PCDHGA10: variants seen among roughly 807,000 people sequenced by gnomAD.
PCDHGA10 encodes protocadherin gamma subfamily A, 10.
A neutral mutation model predicts 59.5 loss-of-function variants in PCDHGA10; 42 were observed. The ratio of observed to expected loss-of-function variants is 0.71; its 90% CI spans 0.55 to 0.91. PCDHGA10 has a LOEUF of 0.91. Among genes scored for constraint, PCDHGA10 ranks in the 40% least tolerant of loss-of-function variants. The pLI is 0.00. For synonymous variants in PCDHGA10, 511 were observed against 517.2 expected (o/e 0.99, Z 0.16); for missense variants, 1,111 against 1,198.2 (o/e 0.93, Z 1.07).
chr5:141,418,513 G>A (rs377653202), intron 1 of PCDHGA10: 1 of 1,613,960 alleles, frequency 6.2e-7, no homozygotes, highest in Non-Finnish European at 8.5e-7. Flanking sequence ...TAGATGGTGG[G>A]GACCCTCCCC....
chr5:141,437,165 T>A (rs62379162), intron 1 of PCDHGA10, among the ~76,000 whole-genome samples: 3,747 of 152,330 alleles, frequency 0.025, 69 homozygotes, highest in Middle Eastern at 0.085. Context: ...TGTTGATTGT[T>A]TTCTGAGACT....
intron 1 of PCDHGA10, among the ~76,000 whole-genome samples, chr5:141,472,711 C>T (rs1014451209): frequency 4.6e-5 from 7 of 151,904 alleles, no homozygotes; most frequent in Admixed American, 2.0e-4. Context: ...ACAGGCCAGG[C>T]GCTGTGGCTC....
intron 1 of PCDHGA10, chr5:141,442,020 A>G (rs1461958612): frequency 4.6e-6 from 1 of 219,170 alleles, no homozygotes; most frequent in South Asian, 5.2e-5. Context: ...GATGGGCCAC[A>G]GGAAAGCGAC....
At chr5:141,428,307 C>T (rs759382004) in intron 1 of PCDHGA10, 5 of 688,034 alleles carry the variant, frequency 7.3e-6, no homozygotes, top group Non-Finnish European at 5.1e-6. Flanking sequence ...TTTACCTGGT[C>T]GTGGCCTTGG....
chr5:141,496,077 C>G (rs1269618753), intron 2 of PCDHGA10, among the ~76,000 whole-genome samples: 1 of 152,042 alleles, frequency 6.6e-6, no homozygotes, highest in African/African-American at 2.4e-5. Flanking sequence ...CACACACAAC[C>G]CCCCACCCAC....
chr5:141,510,400 TA>T (rs780031896), intron 3 of PCDHGA10, among the ~76,000 whole-genome samples: 12 of 151,920 alleles, frequency 7.9e-5, no homozygotes, highest in Non-Finnish European at 1.3e-4. Flanking sequence ...TGGCAAAGGC[TA>T]GGGGCATGTA....
In PCDHGA10 at chr5:141,432,916, G is replaced by C; in HGVS notation, c.2436+17305G>C. ...TGCTGGCGCTCAGGCTGCGGCGCTG[G>C]CACAAGTCACGCCTGCTGCAGGCTT... On this transcript the variant is annotated intron_variant, in intron 1 of 3. Coordinates refer to ENST00000398610, the MANE Select transcript of PCDHGA10 (RefSeq NM_018913.3). The surrounding 1 kb of genome is among the most constrained non-coding windows in gnomAD (Gnocchi z 6.0). 1 of 1,614,196 alleles carries C rather than the reference G, an allele frequency of 6.2e-7. No homozygotes were observed. The highest frequency in any genetic ancestry group is 8.5e-7 in the Non-Finnish European group (1 of 1,180,040).
chr5:141,419,794 T>C (rs368369787), intron 1 of PCDHGA10: 54 of 1,613,930 alleles, frequency 3.3e-5, no homozygotes, highest in Non-Finnish European at 4.5e-5. Flanking sequence ...TGCTAGTCGC[T>C]GTAAGAGATG....
intron 1 of PCDHGA10, among the ~76,000 whole-genome samples, chr5:141,446,175 G>A (rs1288608276): frequency 1.3e-5 from 2 of 152,276 alleles, no homozygotes; most frequent in Non-Finnish European, 2.9e-5. Context: ...AGGGCAGGGG[G>A]TGTTTTGTTT....
chr5:141,470,538 A>G (rs2099232733), intron 1 of PCDHGA10, among the ~76,000 whole-genome samples: 1 of 152,140 alleles, frequency 6.6e-6, no homozygotes, highest in African/African-American at 2.4e-5. Context: ...GTATCAGGTA[A>G]TATTTATTGA....
At chr5:141,497,101 G>A (rs1465038195) in intron 2 of PCDHGA10, among the ~76,000 whole-genome samples, 1 of 152,042 alleles carries the variant, frequency 6.6e-6, no homozygotes, top group African/African-American at 2.4e-5. Flanking sequence ...AGGCAGAACT[G>A]CTTGAACCCG....
intron 2 of PCDHGA10, among the ~76,000 whole-genome samples, chr5:141,504,143 C>A (rs2099835975): frequency 6.6e-6 from 1 of 152,136 alleles, no homozygotes; most frequent in Non-Finnish European, 1.5e-5. Flanking sequence ...CACTCCCCTG[C>A]AAATTGAAAT....
At chr5:141,419,757 G>C in intron 1 of PCDHGA10, 1 of 1,613,994 alleles carries the variant, frequency 6.2e-7, no homozygotes, top group Non-Finnish European at 8.5e-7. Flanking sequence ...CGTGCTTTGG[G>C]TGACAAGGAC....
chr5:141,423,011 T>C, intron 1 of PCDHGA10: 4 of 1,614,186 alleles, frequency 2.5e-6, no homozygotes, highest in Non-Finnish European at 3.4e-6. Flanking sequence ...GTGGTTGCGG[T>C]GGACAAAGAT....
intron 1 of PCDHGA10, among the ~76,000 whole-genome samples, chr5:141,434,767 C>T (rs2097715264): frequency 6.6e-6 from 1 of 151,182 alleles, no homozygotes. Flanking sequence ...CCACTTCACA[C>T]TTCTAAAAAA....
chr5:141,454,860 T>G (rs62379170), intron 1 of PCDHGA10, among the ~76,000 whole-genome samples: 5,850 of 133,200 alleles, frequency 0.044, 153 homozygotes, highest in Middle Eastern at 0.11. Context: ...CAGGCTGGAG[T>G]GCAGTGGCAC....
chr5:141,430,365 G>GA lies in PCDHGA10; in HGVS notation c.2436+14762dup, dbSNP rs202146484. Among the ~76,000 whole-genome samples, 583 of 147,736 alleles carry GA rather than the reference G, an allele frequency of 3.9e-3. 6 individuals are homozygous for GA. The highest frequency in any genetic ancestry group is 0.011 in the Admixed American group (169 of 14,894). On this transcript the variant is annotated intron_variant, in intron 1 of 3. Coordinates refer to ENST00000398610, the MANE Select transcript of PCDHGA10 (RefSeq NM_018913.3). ...CCAATTCATTTAAAAGCTCATTGGG[G>GA]AAAAAAAAGCTCATTGGGAAAAAAA...
rs1591337394 is a variant in PCDHGA10, at chr5:141,434,573, C to A, written c.2436+18962C>A. 2.0e-5 allele frequency among the ~76,000 whole-genome samples: 3 copies of A among 152,336 alleles called. No individual in the cohort carries two copies. The South Asian group carries it at 6.2e-4, about 32-fold the overall frequency. On this transcript the variant is annotated intron_variant, in intron 1 of 3. Transcript: ENST00000398610. The stretch of plus-strand genomic sequence containing the variant: ...TCTGTGCCTTAAGGACATGCCCCTG[C>A]TGCAGATAACTACCTCAATCCATCC...
rs1040753474 is a variant in PCDHGA10 at position 141,511,446 on chromosome 5, G to T, written c.*273G>T. 3.1e-6 allele frequency: 2 copies of T among 654,526 alleles called. No individual in the cohort carries two copies. The highest frequency in any genetic ancestry group is 3.7e-5 in the African/African-American group (2 of 54,758). 40.5% of individuals were successfully genotyped at this position (654,526 alleles called of 1,614,324 possible). A position where few individuals can be genotyped will look rare whatever the true frequency, so the allele number is the denominator to read the frequency against. ...GTAGTGGGGTTACTGTAGACACCAA[G>T]AACCATTTGCCACACCCCGTTTAGT... On this transcript the variant is annotated 3_prime_UTR_variant, in exon 4 of 4. Transcript: ENST00000398610.
Sources: gnomAD v4.1 joint callset for allele counts (sites outside exome capture counted in the v4.1 genomes callset) on GRCh38, gnomAD v4.1.1 for gene constraint, Gnocchi (gnomAD v3.1) non-coding constraint, MANE v1.5 for transcripts, NCBI Gene and HGNC (gene_info 2026-07-23, HGNC 2026-07-21) for gene names.